TEX11: variants seen among roughly 807,000 people sequenced by gnomAD.
TEX11 encodes testis expressed 11.
TEX11 carries 7 observed loss-of-function variants against 84.4 expected under a neutral mutation model. That is an observed-to-expected ratio of 0.08 (90% CI 0.05 to 0.16). The LOEUF is 0.16. TEX11 is among the 10% of genes least tolerant of loss of function. The probability of loss-of-function intolerance (pLI) is 1.00; values close to 1 mark genes in which losing one functional copy is unlikely to be tolerated. For synonymous variants in TEX11, 264 were observed against 222.8 expected (o/e 1.18, Z -1.64); for missense variants, 551 against 660.5 (o/e 0.83, Z 1.82).
At chrX:70,524,464 A>G (rs747742094), downstream of TEX11, among the ~76,000 whole-genome samples, 191 of 112,985 alleles carry the variant, frequency 1.7e-3, no homozygotes, top group Middle Eastern at 9.1e-3. Flanking sequence ...TCAACTGGAG[A>G]GGGATAAGTA....
At chrX:70,641,632 C>T (rs1285261685) in intron 17 of TEX11, among the ~76,000 whole-genome samples, 5 of 111,666 alleles carry the variant, frequency 4.5e-5, no homozygotes, top group African/African-American at 1.6e-4. Flanking sequence ...AACCACTCAA[C>T]TACATGGAAA....
At chrX:70,538,868 T>C (rs1024103263) in intron 28 of TEX11, among the ~76,000 whole-genome samples, 1 of 106,590 alleles carries the variant, frequency 9.4e-6, no homozygotes, top group African/African-American at 3.4e-5. Context: ...TTATATTTCC[T>C]TTAGATCCCA....
chrX:70,761,041 A>C (rs1289790374), intron 9 of TEX11, among the ~76,000 whole-genome samples: 1 of 112,318 alleles, frequency 8.9e-6, no homozygotes, highest in Non-Finnish European at 1.9e-5. Flanking sequence ...AGAGAAATGC[A>C]AATCGAAACC....
chrX:70,715,806 C>T (rs900042403), intron 13 of TEX11, among the ~76,000 whole-genome samples: 2 of 112,429 alleles, frequency 1.8e-5, no homozygotes, highest in African/African-American at 6.5e-5. Flanking sequence ...AAGTCATTCT[C>T]TGTCCAGCTT....
At chrX:70,773,104 T>C (rs760876687) in intron 9 of TEX11, among the ~76,000 whole-genome samples, 7 of 110,523 alleles carry the variant, frequency 6.3e-5, no homozygotes, top group Non-Finnish European at 7.6e-5. Flanking sequence ...GACAGCTTAG[T>C]TAAATAAGGG....
At chrX:70,728,227 C>T (rs1331231494) in intron 11 of TEX11, among the ~76,000 whole-genome samples, 1 of 112,418 alleles carries the variant, frequency 8.9e-6, no homozygotes, top group Non-Finnish European at 1.9e-5. Flanking sequence ...TCTACAGCTC[C>T]CAGTGTGAGC....
At chrX:70,817,767 A>AAAGGAAAGGAAAAGG (rs1440276611) in intron 8 of TEX11, among the ~76,000 whole-genome samples, 1 of 110,066 alleles carries the variant, frequency 9.1e-6, no homozygotes, top group Non-Finnish European at 1.9e-5. Flanking sequence ...AAAGGAAAAG[A>AAAGGAAAGGAAAAGG]AAGGAAAGGA....
intron 20 of TEX11, among the ~76,000 whole-genome samples, chrX:70,610,896 A>T (rs1317383): frequency 9.0e-6 from 1 of 110,830 alleles, no homozygotes; most frequent in Non-Finnish European, 1.9e-5. Flanking sequence ...CTTATTTCAA[A>T]TAAAGTTGTA....
chrX:70,888,491 G>C (rs1482755647), intron 2 of TEX11, among the ~76,000 whole-genome samples: 1 of 112,146 alleles, frequency 8.9e-6, no homozygotes, highest in African/African-American at 3.2e-5. Context: ...GAAAGATTTA[G>C]TGAGCTTGAA....
intron 13 of TEX11, among the ~76,000 whole-genome samples, chrX:70,700,943 C>T (rs2090321013): frequency 1.8e-5 from 2 of 111,962 alleles, no homozygotes; most frequent in South Asian, 7.4e-4. Context: ...TCCAGAGCAA[C>T]GTCCTAACTC....
At position 70,768,178 on chromosome X, in the gene TEX11, T is replaced by C. The variant is rs183661763; in HGVS notation, c.693-23959A>G. On this transcript the variant is annotated intron_variant, in intron 9 of 29. Coordinates refer to ENST00000374333, the MANE Select transcript of TEX11 (RefSeq NM_031276.3). ...CACAAAGGATAAATGCTCGAAGGCA[T>C]AGATAGCCCATTTTCCATGATGTGA... Among the ~76,000 whole-genome samples, 17 of 111,794 alleles carry C rather than the reference T, an allele frequency of 1.5e-4. No homozygotes were observed. In the South Asian group the frequency reaches 1.5e-3, roughly 10 times the overall value.
intron 4 of TEX11, among the ~76,000 whole-genome samples, chrX:70,872,112 T>C (rs2091632815): frequency 8.9e-6 from 1 of 112,029 alleles, no homozygotes; most frequent in Non-Finnish European, 1.9e-5. Context: ...TACTTCCTCA[T>C]ATGCAGAATG....
At chrX:70,786,108 G>T (rs1450773907) in intron 9 of TEX11, among the ~76,000 whole-genome samples, 1 of 111,841 alleles carries the variant, frequency 8.9e-6, no homozygotes, top group Non-Finnish European at 1.9e-5. Flanking sequence ...AGAAAATATG[G>T]CACATATACA....
intron 20 of TEX11, among the ~76,000 whole-genome samples, chrX:70,617,529 A>G (rs1200757978): frequency 9.1e-6 from 1 of 109,352 alleles, no homozygotes; most frequent in Admixed American, 1.0e-4. Context: ...CTTTTGCAGA[A>G]GCATGGATAG....
At chrX:70,895,392 A>C (rs904572287) in intron 2 of TEX11, among the ~76,000 whole-genome samples, 1 of 112,055 alleles carries the variant, frequency 8.9e-6, no homozygotes, top group African/African-American at 3.2e-5. Flanking sequence ...CAAATGGAAA[A>C]AAATTCCATG....
rs1569442868 is a variant in TEX11 at position 70,792,331 on chromosome X, TATATATATATATATATATATATATATAC to T, written c.692+14346_692+14373del. 6.0e-3 allele frequency among the ~76,000 whole-genome samples: 38 copies of T among 6,285 alleles called. 1 individual carries two copies. The highest frequency in any genetic ancestry group is 0.019 in the African/African-American group (18 of 944). The allele number at this position is 6,285 out of a possible 115,157, so 5.5% of individuals were successfully genotyped here. A position where few individuals can be genotyped will look rare whatever the true frequency, so the allele number is the denominator to read the frequency against. Reference sequence around the variant, plus strand: ...AAAAAAAAAAATATATATATATATATATATATATATATATATATATATATATACACACACAAATATATATCTGGGATGC... The same window carrying T: ...AAAAAAAAAAATATATATATATATATACACACAAATATATATCTGGGATGC... On this transcript the variant is annotated intron_variant, in intron 9 of 29. Transcript: ENST00000374333.
chrX:70,856,294 T>A (rs1269904679), intron 5 of TEX11, among the ~76,000 whole-genome samples: 1 of 111,584 alleles, frequency 9.0e-6, no homozygotes, highest in Non-Finnish European at 1.9e-5. Flanking sequence ...ACTGTTACCA[T>A]TTATCTAAGA....
intron 9 of TEX11, among the ~76,000 whole-genome samples, chrX:70,785,538 A>C (rs1321275138): frequency 8.9e-6 from 1 of 111,856 alleles, no homozygotes; most frequent in Non-Finnish European, 1.9e-5. Flanking sequence ...GGCAACCTAC[A>C]AAATGGGAGA....
intron 5 of TEX11, among the ~76,000 whole-genome samples, chrX:70,858,318 T>C (rs1365251052): frequency 9.2e-6 from 1 of 108,137 alleles, no homozygotes; most frequent in Non-Finnish European, 1.9e-5. Flanking sequence ...TGCAGTGGCC[T>C]GTAATCCCAG....
Sources: allele counts gnomAD v4.1 joint callset (sites outside exome capture counted in the v4.1 genomes callset), GRCh38; gene constraint gnomAD v4.1.1; transcripts MANE v1.5; gene names NCBI Gene and HGNC (gene_info 2026-07-23, HGNC 2026-07-21).